GEMIN8: variants seen among roughly 807,000 people sequenced by gnomAD.
GEMIN8 encodes gem-associated protein 8.
For missense variants in GEMIN8, 185 were observed against 205.9 expected (o/e 0.90, Z 0.62); for synonymous variants, 80 against 78.5 (o/e 1.02, Z -0.10).
In GEMIN8 at chrX:14,008,396, G is replaced by T. The variant is rs1302432092; in HGVS notation, c.*517C>A. On this transcript the variant is annotated 3_prime_UTR_variant, in exon 5 of 5. Transcript: ENST00000680255. ...GAGTAGTCACAACACTGACCGTGTG[G>T]CTTGCAGTGCCAAAGATATTCACTC... 1 of 115,203 alleles carries T rather than the reference G, an allele frequency of 8.7e-6. No homozygotes were observed. Among genetic ancestry groups the T allele is most frequent in the Non-Finnish European group, 1.8e-5 (1 of 55,637 alleles). The allele number at this position is 115,203 out of a possible 1,213,427, so 9.5% of individuals were successfully genotyped here.
chrX:13,984,285 G>T, the GEMIN8 span, among the ~76,000 whole-genome samples: 1 of 112,170 alleles, frequency 8.9e-6, no homozygotes, highest in African/African-American at 3.2e-5. Context: ...TGGAAACTGT[G>T]AGATAATAAA....
chrX:14,009,499 A>G (rs968878190), intron 4 of GEMIN8, among the ~76,000 whole-genome samples: 6 of 111,293 alleles, frequency 5.4e-5, no homozygotes, highest in African/African-American at 2.0e-4. Flanking sequence ...CAGAGATTGC[A>G]GTGTACCACT....
downstream of GEMIN8, among the ~76,000 whole-genome samples, chrX:14,004,729 T>G (rs966271125): frequency 1.8e-5 from 2 of 111,830 alleles, no homozygotes; most frequent in East Asian, 5.6e-4. Flanking sequence ...GGCTAATTTT[T>G]TTCCTGTATT....
At chrX:14,011,428 C>T (rs1923526679) in intron 4 of GEMIN8, among the ~76,000 whole-genome samples, 1 of 108,996 alleles carries the variant, frequency 9.2e-6, no homozygotes, top group South Asian at 4.0e-4. Flanking sequence ...GGCTACTTTT[C>T]TGAAGGCTTG....
At chrX:14,021,397 A>C in intron 3 of GEMIN8, 67 bp downstream of exon 3, 1 of 656,627 alleles carries the variant, frequency 1.5e-6, no homozygotes, top group Non-Finnish European at 2.4e-6. Flanking sequence ...AAGTATAAAA[A>C]AAAAGACTAA....
the GEMIN8 span, among the ~76,000 whole-genome samples, chrX:13,998,076 G>C: frequency 9.7e-6 from 1 of 102,978 alleles, no homozygotes; most frequent in African/African-American, 3.5e-5. Flanking sequence ...TACCATTTTT[G>C]CTTTTTTTTT....
intron 4 of GEMIN8, among the ~76,000 whole-genome samples, chrX:14,013,254 G>C (rs1181451628): frequency 8.9e-6 from 1 of 112,336 alleles, no homozygotes; most frequent in Non-Finnish European, 1.9e-5. Context: ...AAGCAGACCA[G>C]TACGGACATC....
At position 14,019,500 on chromosome X, in the gene GEMIN8, A is replaced by G. The variant is rs374092810; in HGVS notation, c.472+578T>C. ...TCGTTACTCTGTTTAGGTTCATGCT[A>G]TTTAAGATTTGGGACCTCTAGCACC... On this transcript the variant is annotated intron_variant, in intron 4 of 4. Coordinates refer to ENST00000680255, the MANE Select transcript of GEMIN8 (RefSeq NM_001042479.2). Among the ~76,000 whole-genome samples the G allele has an allele frequency of 2.1e-4, 23 of 112,006 alleles. No individual in the cohort carries two copies. The East Asian group carries it at 6.5e-3, about 32-fold the overall frequency.
chrX:14,019,459 G>T (rs770606040), intron 4 of GEMIN8, among the ~76,000 whole-genome samples: 4 of 112,096 alleles, frequency 3.6e-5, no homozygotes, highest in South Asian at 7.5e-4. Context: ...CAGGAAAGTT[G>T]TAAGTGCCAG....
chrX:13,999,522 C>A, the GEMIN8 span, among the ~76,000 whole-genome samples: 13 of 111,193 alleles, frequency 1.2e-4, no homozygotes, highest in Admixed American at 9.6e-5. Flanking sequence ...GTAATCCGCC[C>A]GCCTCAGCCT....
chrX:14,006,113 C>T (rs577027222), downstream of GEMIN8, among the ~76,000 whole-genome samples: 1 of 108,335 alleles, frequency 9.2e-6, no homozygotes, highest in South Asian at 4.1e-4. Flanking sequence ...ACTGCAACCT[C>T]TGCCTCCTGG....
At chrX:14,003,136 T>C (rs1362017511), downstream of GEMIN8, among the ~76,000 whole-genome samples, 1 of 112,252 alleles carries the variant, frequency 8.9e-6, no homozygotes, top group East Asian at 2.8e-4. Flanking sequence ...AGAATGCAAA[T>C]GCATTATCCA....
intron 4 of GEMIN8, chrX:14,014,333 A>G (rs1923766758): frequency 1.3e-6 from 1 of 749,924 alleles, no homozygotes; most frequent in Non-Finnish European, 1.6e-6. Flanking sequence ...ACACAGGTAC[A>G]TGCCAGCAGA....
downstream of GEMIN8, among the ~76,000 whole-genome samples, chrX:14,003,788 C>T (rs148710548): frequency 7.8e-3 from 877 of 111,991 alleles, 10 homozygotes; most frequent in African/African-American, 0.027. Context: ...AGATAGATTG[C>T]TAAAGAAATT....
the GEMIN8 span, among the ~76,000 whole-genome samples, chrX:14,001,474 C>T: frequency 1.8e-5 from 2 of 111,983 alleles, no homozygotes; most frequent in Non-Finnish European, 3.8e-5. Context: ...AAGTTCCACA[C>T]CATATCCCAT....
At chrX:13,986,824 T>C in the GEMIN8 span, among the ~76,000 whole-genome samples, 1 of 112,009 alleles carries the variant, frequency 8.9e-6, no homozygotes, top group African/African-American at 3.2e-5. Flanking sequence ...GGCCAGAAAT[T>C]GTTCACTGGG....
At chrX:14,016,769 C>T (rs889629871) in intron 4 of GEMIN8, among the ~76,000 whole-genome samples, 13 of 96,106 alleles carry the variant, frequency 1.4e-4, no homozygotes, top group Middle Eastern at 5.5e-3. Flanking sequence ...CACTTGAACC[C>T]GGGAGGCATA....
intron 2 of GEMIN8, among the ~76,000 whole-genome samples, chrX:14,021,973 T>C (rs1924388655): frequency 1.0e-5 from 1 of 100,122 alleles, no homozygotes; most frequent in Admixed American, 1.1e-4. Context: ...CACATATATA[T>C]GTGTGTATAT....
At chrX:13,999,523 G>A in the GEMIN8 span, among the ~76,000 whole-genome samples, 2 of 111,254 alleles carry the variant, frequency 1.8e-5, no homozygotes, top group African/African-American at 6.5e-5. Flanking sequence ...TAATCCGCCC[G>A]CCTCAGCCTC....
Sources: allele counts gnomAD v4.1 joint callset (sites outside exome capture counted in the v4.1 genomes callset), GRCh38; gene constraint gnomAD v4.1.1; transcripts MANE v1.5; gene names NCBI Gene and HGNC (gene_info 2026-07-23, HGNC 2026-07-21).